The following SLC25A48 variants were observed in gnomAD, a reference collection of about 807,000 sequenced individuals.
SLC25A48 encodes the protein solute carrier family 25 member 48.
SLC25A48 carries 29 observed loss-of-function variants against 32.2 expected under a neutral mutation model. The ratio of observed to expected loss-of-function variants is 0.90; its 90% CI spans 0.67 to 1.23. The LOEUF (loss-of-function observed/expected upper bound fraction) is 1.23. SLC25A48 is among the 50% of genes most tolerant of loss of function. The probability of loss-of-function intolerance (pLI) is 0.00; values close to 1 mark genes in which losing one functional copy is unlikely to be tolerated. For missense variants in SLC25A48, 399 were observed against 422.7 expected, an observed-to-expected ratio of 0.94 and a Z score of 0.49; for synonymous variants, 164 against 172.3, an observed-to-expected ratio of 0.95 and a Z score of 0.38.
intron 3 of SLC25A48, among the ~76,000 whole-genome samples, chr5:135,796,207 A>G (rs927241530): frequency 2.0e-5 from 3 of 151,496 alleles, no homozygotes; most frequent in Non-Finnish European, 1.5e-5. Context: ...CGCAATATCC[A>G]TGGAAGAGAA....
chr5:135,602,764 T>TC (rs1253904129), intron 1 of SLC25A48, among the ~76,000 whole-genome samples: 2 of 151,940 alleles, frequency 1.3e-5, no homozygotes, highest in Non-Finnish European at 2.9e-5. Context: ...CCCTCCCCTC[T>TC]CCCCCCACCC....
chr5:135,839,773 T>G (rs905637287), intron 1 of SLC25A48, among the ~76,000 whole-genome samples: 1 of 152,114 alleles, frequency 6.6e-6, no homozygotes, highest in African/African-American at 2.4e-5. Flanking sequence ...TGGGAGGTAA[T>G]TGAATCATGG....
intron 1 of SLC25A48, among the ~76,000 whole-genome samples, chr5:135,582,200 G>A (rs1751250129): frequency 6.6e-6 from 1 of 152,122 alleles, no homozygotes; most frequent in Non-Finnish European, 1.5e-5. Context: ...GAGACCCCAG[G>A]GATTTGCTTA....
In SLC25A48 at chr5:135,676,297, T is replaced by C. The variant is rs534924676; in HGVS notation, c.-521+41341T>C. On this transcript the variant is annotated intron_variant, in intron 3 of 10. Coordinates refer to the SLC25A48 transcript ENST00000646290. The stretch of plus-strand genomic sequence containing the variant: ...TAGTTGCTTTAATAGTCTCTGATGA[T>C]CTTTTGTATTTCTGTGGTTCAGTTG... Among the ~76,000 whole-genome samples the C allele has an allele frequency of 7.2e-5, 11 of 152,084 alleles. No homozygotes were observed. In the East Asian group the frequency reaches 2.1e-3, roughly 29 times the overall value.
intron 3 of SLC25A48, among the ~76,000 whole-genome samples, chr5:135,708,410 C>T (rs1295289907): frequency 6.6e-6 from 1 of 152,322 alleles, no homozygotes; most frequent in East Asian, 1.9e-4. Flanking sequence ...CTCTCTTCCC[C>T]ATGTATCCTG....
intron 1 of SLC25A48, among the ~76,000 whole-genome samples, chr5:135,581,647 C>T (rs563388825): frequency 2.6e-5 from 4 of 152,344 alleles, no homozygotes; most frequent in African/African-American, 9.6e-5. Context: ...GAAATATGGA[C>T]CAACGTTCCC....
intron 3 of SLC25A48, among the ~76,000 whole-genome samples, chr5:135,725,817 G>A (rs1044556920): frequency 4.0e-5 from 6 of 151,862 alleles, no homozygotes; most frequent in Non-Finnish European, 8.8e-5. Flanking sequence ...GATCAAAATA[G>A]CATTTCTTGG....
intron 4 of SLC25A48, among the ~76,000 whole-genome samples, chr5:135,814,090 G>T (rs1323392074): frequency 6.6e-6 from 1 of 152,218 alleles, no homozygotes; most frequent in African/African-American, 2.4e-5. Flanking sequence ...CCAAGTTGCA[G>T]ATGAAATGGA....
rs1253122560 is a variant in SLC25A48 at position 135,755,978 on chromosome 5, A to G, written c.-520-56545A>G. Among the ~76,000 whole-genome samples the G allele has an allele frequency of 2.0e-5, 3 of 152,230 alleles. No homozygotes were observed. In the East Asian group the frequency reaches 5.8e-4, roughly 29 times the overall value. On this transcript the variant is annotated intron_variant, in intron 3 of 10. Transcript: ENST00000646290. ...TACTAATGAAATATCACTGTGCTAT[A>G]TATCATATCTATTGTCAACGGACAT...
rs992608489 is a variant in SLC25A48 at position 135,757,339 on chromosome 5, G to A, written c.-520-55184G>A. Among the ~76,000 whole-genome samples the A allele has an allele frequency of 2.0e-5, 3 of 149,212 alleles. No homozygotes were observed. In the East Asian group the frequency reaches 6.2e-4, roughly 31 times the overall value. Reference sequence around the variant, plus strand: ...ATATCATCTTTATGGTATTTATAATGTCTAGTGTTAACACACAATAATATT... The same window carrying A: ...ATATCATCTTTATGGTATTTATAATATCTAGTGTTAACACACAATAATATT... On this transcript the variant is annotated intron_variant, in intron 3 of 10. Coordinates refer to the SLC25A48 transcript ENST00000646290.
intron 3 of SLC25A48, among the ~76,000 whole-genome samples, chr5:135,690,609 T>G (rs1754121971): frequency 1.3e-5 from 2 of 152,250 alleles, no homozygotes; most frequent in Non-Finnish European, 2.9e-5. Context: ...TCTCTTATGC[T>G]GTGCCATCAG....
At chr5:135,657,028 C>G (rs944398329) in intron 3 of SLC25A48, among the ~76,000 whole-genome samples, 8 of 152,106 alleles carry the variant, frequency 5.3e-5, no homozygotes, top group Admixed American at 1.3e-4. Context: ...TTTGCCTGCC[C>G]CTCCACCCTC....
At chr5:135,715,344 T>A (rs1170250846) in intron 3 of SLC25A48, among the ~76,000 whole-genome samples, 1 of 152,212 alleles carries the variant, frequency 6.6e-6, no homozygotes, top group African/African-American at 2.4e-5. Flanking sequence ...GGGGACTTCA[T>A]TCAGGTTTCT....
In SLC25A48 at chr5:135,634,411, C is replaced by A. The variant is rs932527901; in HGVS notation, c.-708-358C>A. ...GTGGAAGTTCTGGCTAATGGCCAATCATCATGGGGCCATGGGACTCCTAAG... is the reference window on the plus strand; with the variant it reads ...GTGGAAGTTCTGGCTAATGGCCAATAATCATGGGGCCATGGGACTCCTAAG... On this transcript the variant is annotated intron_variant, in intron 2 of 10. Coordinates refer to the SLC25A48 transcript ENST00000646290. Among the ~76,000 whole-genome samples, 3 of 152,250 alleles carry A rather than the reference C, an allele frequency of 2.0e-5. 1 individual carries two copies. Among genetic ancestry groups the A allele is most frequent in the African/African-American group, 7.2e-5 (3 of 41,476 alleles).
At chr5:135,826,112 G>A (rs1320802624) in intron 4 of SLC25A48, 1 of 152,324 alleles carries the variant, frequency 6.6e-6, no homozygotes, top group Non-Finnish European at 1.5e-5. Flanking sequence ...CCATGGATGA[G>A]GGGCATCCTA....
intron 3 of SLC25A48, among the ~76,000 whole-genome samples, chr5:135,797,855 A>T (rs993335878): frequency 2.4e-4 from 36 of 151,764 alleles, no homozygotes; most frequent in Non-Finnish European, 1.5e-5. Flanking sequence ...TACTTCCAAT[A>T]TCGCAAAAGG....
At chr5:135,579,334 G>A (rs889992382) in exon 1 of SLC25A48, 1 of 155,492 alleles carries the variant, frequency 6.4e-6, no homozygotes, top group Non-Finnish European at 1.4e-5. Flanking sequence ...GCTGCTGAAG[G>A]GCACTGCTTT....
intron 3 of SLC25A48, among the ~76,000 whole-genome samples, chr5:135,698,750 A>G (rs1342043424): frequency 6.6e-6 from 1 of 152,258 alleles, no homozygotes; most frequent in Non-Finnish European, 1.5e-5. Context: ...AGATACCAAT[A>G]AAGAAATGAA....
chr5:135,866,681 T>C (rs1272684780), intron 4 of SLC25A48, among the ~76,000 whole-genome samples: 1 of 152,248 alleles, frequency 6.6e-6, no homozygotes, highest in African/African-American at 2.4e-5. Context: ...AGTAAGGCAC[T>C]GGCACTTCAC....
Sources: gnomAD v4.1 joint callset for allele counts (sites outside exome capture counted in the v4.1 genomes callset) on GRCh38, gnomAD v4.1.1 for gene constraint, MANE v1.5 for transcripts, NCBI Gene and HGNC (gene_info 2026-07-23, HGNC 2026-07-21) for gene names.